Variants in NPEPPS observed in about 807,000 individuals in gnomAD.
The protein encoded by NPEPPS is aminopeptidase puromycin sensitive, also known as puromycin-sensitive aminopeptidase.
In NPEPPS, 14 loss-of-function variants were observed where a neutral mutation model predicts 115.5. The observed-to-expected ratio is 0.12, with a 90% CI of 0.08 to 0.19. NPEPPS has a LOEUF of 0.19. Among genes scored for constraint, NPEPPS ranks in the 10% least tolerant of loss-of-function variants. The probability of loss-of-function intolerance (pLI) is 1.00; values close to 1 mark genes in which losing one functional copy is unlikely to be tolerated. For synonymous variants in NPEPPS, 285 were observed against 390.6 expected, an observed-to-expected ratio of 0.73 and a Z score of 3.19; for missense variants, 523 against 1,110.8, an observed-to-expected ratio of 0.47 and a Z score of 7.52.
At chr17:47,575,351 AG>A (rs1386936014) in intron 3 of NPEPPS, among the ~76,000 whole-genome samples, 2 of 152,206 alleles carry the variant, frequency 1.3e-5, no homozygotes, top group East Asian at 1.9e-4. Flanking sequence ...ATTTATTATT[AG>A]TATATAAGAG....
intron 2 of NPEPPS, among the ~76,000 whole-genome samples, chr17:47,556,410 G>T (rs1037665970): frequency 1.3e-5 from 2 of 152,140 alleles, no homozygotes; most frequent in African/African-American, 4.8e-5. Flanking sequence ...TAAGGTCATA[G>T]ATCAACAGCA....
intron 1 of NPEPPS, among the ~76,000 whole-genome samples, chr17:47,540,586 A>G (rs1289993605): frequency 2.0e-5 from 3 of 152,252 alleles, no homozygotes; most frequent in Admixed American, 6.5e-5. Flanking sequence ...TTCTTGGGGT[A>G]GTACACATGT....
At chr17:47,606,895 C>A (rs903427591) in intron 17 of NPEPPS, among the ~76,000 whole-genome samples, 10 of 151,908 alleles carry the variant, frequency 6.6e-5, no homozygotes, top group African/African-American at 2.4e-4. Flanking sequence ...CAGGAAGTAT[C>A]ATTAAGAAAA....
intron 2 of NPEPPS, among the ~76,000 whole-genome samples, chr17:47,564,371 T>C (rs1910653878): frequency 6.6e-6 from 1 of 151,834 alleles, no homozygotes; most frequent in South Asian, 2.1e-4. Flanking sequence ...CTTATCTCAA[T>C]TTTAAGAAGA....
chr17:47,571,996 C>A (rs560460396), intron 3 of NPEPPS, among the ~76,000 whole-genome samples: 1 of 151,786 alleles, frequency 6.6e-6, no homozygotes, highest in African/African-American at 2.4e-5. Flanking sequence ...ACTCTACTGG[C>A]TCCACTTGGC....
chr17:47,549,491 T>TG (rs1909478370), intron 2 of NPEPPS, among the ~76,000 whole-genome samples: 1 of 152,028 alleles, frequency 6.6e-6, no homozygotes, highest in Non-Finnish European at 1.5e-5. Context: ...AAGTTTGAAC[T>TG]GGGGGCAGCC....
At chr17:47,585,736 A>G (rs781065789) in intron 6 of NPEPPS, 36 bp downstream of exon 6, 8 of 1,460,940 alleles carry the variant, frequency 5.5e-6, no homozygotes, top group Non-Finnish European at 7.7e-6. Flanking sequence ...CCAACAGTCC[A>G]TAACTCCAGG....
rs1294867980 is a variant in NPEPPS at position 47,551,966 on chromosome 17, CT to C, written c.340+5987del. On this transcript the variant is annotated intron_variant, in intron 2 of 22. Transcript: ENST00000322157. ...TGATCTTGTTTGTTGGGATTTCTTT[CT>C]TTTTTTTTTTTTTCTTTTTTTTTTG... 2.0e-3 allele frequency among the ~76,000 whole-genome samples: 206 copies of C among 100,890 alleles called. 10 individuals are homozygous for C. Among genetic ancestry groups the C allele is most frequent in the Admixed American group, 0.015 (121 of 7,910 alleles). 66.2% of individuals were successfully genotyped at this position (100,890 alleles called of 152,430 possible).
chr17:47,614,734 A>T (rs1283331649), intron 19 of NPEPPS, among the ~76,000 whole-genome samples: 5 of 152,200 alleles, frequency 3.3e-5, no homozygotes, highest in Non-Finnish European at 5.9e-5. Context: ...TTAGAGGTGG[A>T]GGTAGCCGAA....
chr17:47,566,026 C>G (rs569677085), intron 2 of NPEPPS, among the ~76,000 whole-genome samples: 1 of 152,312 alleles, frequency 6.6e-6, no homozygotes, highest in East Asian at 1.9e-4. Flanking sequence ...CAGGGTCTCA[C>G]TCTGTCACCT....
chr17:47,541,088 A>G (rs1210860445), intron 1 of NPEPPS, among the ~76,000 whole-genome samples: 1 of 152,210 alleles, frequency 6.6e-6, no homozygotes, highest in African/African-American at 2.4e-5. Flanking sequence ...GTGCCTTTCC[A>G]AAATGCACAA....
At chr17:47,584,974 C>G (rs186294172) in intron 5 of NPEPPS, among the ~76,000 whole-genome samples, 1 of 152,098 alleles carries the variant, frequency 6.6e-6, no homozygotes, top group South Asian at 2.1e-4. Context: ...ATTACAGGCA[C>G]CCCCCACCAT....
intron 2 of NPEPPS, among the ~76,000 whole-genome samples, chr17:47,553,829 C>T (rs575356861): frequency 6.6e-6 from 1 of 151,432 alleles, no homozygotes; most frequent in Admixed American, 6.6e-5. Flanking sequence ...CAGCTCACTG[C>T]AACCTCTGCC....
intron 3 of NPEPPS, among the ~76,000 whole-genome samples, chr17:47,570,395 C>A (rs1393828814): frequency 2.6e-5 from 4 of 152,184 alleles, no homozygotes; most frequent in Admixed American, 6.5e-5. Context: ...GCACTCCAGC[C>A]TGGGTGATAG....
chr17:47,573,705 G>T (rs1443199214), intron 3 of NPEPPS, among the ~76,000 whole-genome samples: 4 of 152,176 alleles, frequency 2.6e-5, no homozygotes, highest in Non-Finnish European at 5.9e-5. Context: ...GGGCGACAGA[G>T]CAAGACTGTC....
chr17:47,607,978 G>A (rs543404483), intron 17 of NPEPPS, among the ~76,000 whole-genome samples: 1 of 152,044 alleles, frequency 6.6e-6, no homozygotes, highest in South Asian at 2.1e-4. Context: ...CTGAGTATTT[G>A]GGACTACAGG....
At chr17:47,566,904 T>C (rs1272629954) in intron 2 of NPEPPS, among the ~76,000 whole-genome samples, 1 of 151,976 alleles carries the variant, frequency 6.6e-6, no homozygotes, top group East Asian at 2.0e-4. Flanking sequence ...GGGAAACCCC[T>C]GTCTCTACTA....
chr17:47,615,076 T>A (rs1914116413), intron 19 of NPEPPS, among the ~76,000 whole-genome samples: 1 of 43,592 alleles, frequency 2.3e-5, no homozygotes, highest in African/African-American at 5.4e-5. Flanking sequence ...TTTCTTTCTT[T>A]TTTTTTTTTT....
chr17:47,546,781 C>T (rs1273323153), intron 2 of NPEPPS, among the ~76,000 whole-genome samples: 1 of 152,108 alleles, frequency 6.6e-6, no homozygotes, highest in Non-Finnish European at 1.5e-5. Flanking sequence ...CTCAGGTGAT[C>T]TGCCTGCCTC....
Sources: allele counts gnomAD v4.1 joint callset (sites outside exome capture counted in the v4.1 genomes callset), GRCh38; gene constraint gnomAD v4.1.1; transcripts MANE v1.5; gene names NCBI Gene and HGNC (gene_info 2026-07-23, HGNC 2026-07-21).